Variants in OIT3 observed in about 807,000 individuals in gnomAD.
OIT3 encodes oncoprotein-induced transcript 3 protein.
A neutral mutation model predicts 52.2 loss-of-function variants in OIT3; 41 were observed. That is an observed-to-expected ratio of 0.79 (90% CI 0.61 to 1.02). The LOEUF is 1.02. OIT3 is among the 50% of genes least tolerant of loss of function. OIT3 has a pLI of 0.00. For synonymous variants in OIT3, 244 were observed against 276.9 expected, an observed-to-expected ratio of 0.88 and a Z score of 1.18; for missense variants, 634 against 715.5, an observed-to-expected ratio of 0.89 and a Z score of 1.30.
rs148675349 is a variant in OIT3, at chr10:72,907,523, A to G, written c.667+805A>G. Among the ~76,000 whole-genome samples, 71 of 152,248 alleles carry G rather than the reference A, an allele frequency of 4.7e-4. 1 individual carries two copies. In the East Asian group the frequency reaches 0.013, roughly 28 times the overall value. On this transcript the variant is annotated intron_variant, in intron 4 of 8. Transcript: ENST00000334011. ...TTTCCCAAACTTCCCTGCTGCTGAGAAGCACCTGGGGCTTTTACGCTTAGC... is the reference window on the plus strand; with the variant it reads ...TTTCCCAAACTTCCCTGCTGCTGAGGAGCACCTGGGGCTTTTACGCTTAGC...
At chr10:72,909,117 CTTTT>C (rs35778299) in intron 4 of OIT3, among the ~76,000 whole-genome samples, 2 of 111,754 alleles carry the variant, frequency 1.8e-5, no homozygotes, top group Non-Finnish European at 1.9e-5. Flanking sequence ...TTCCCAGTGT[CTTTT>C]TTTTTTTTTT....
chr10:72,921,576 T>G (rs966479107), intron 6 of OIT3, among the ~76,000 whole-genome samples: 2 of 152,218 alleles, frequency 1.3e-5, no homozygotes, highest in Non-Finnish European at 2.9e-5. Context: ...TCCTCAGCAT[T>G]TGCTTGTCTG....
At chr10:72,924,162 A>AG in intron 6 of OIT3, 67 bp from the exon 7 acceptor site, 1 of 1,334,114 alleles carries the variant, frequency 7.5e-7, no homozygotes, top group South Asian at 1.4e-5. Flanking sequence ...AGGTGAGAGG[A>AG]GGGGGAAAAA....
chr10:72,901,660 C>T (rs776641194), intron 3 of OIT3, among the ~76,000 whole-genome samples: 7 of 152,062 alleles, frequency 4.6e-5, no homozygotes, highest in Non-Finnish European at 8.8e-5. Context: ...GTCGCCCAGG[C>T]TGGAGTGCAG....
intron 7 of OIT3, among the ~76,000 whole-genome samples, chr10:72,925,374 C>T (rs1336063060): frequency 6.6e-6 from 1 of 152,140 alleles, no homozygotes; most frequent in Non-Finnish European, 1.5e-5. Context: ...AACTGAAGGA[C>T]AGGGAATCAC....
At chr10:72,914,786 G>T (rs771937737) in intron 6 of OIT3, among the ~76,000 whole-genome samples, 3 of 152,138 alleles carry the variant, frequency 2.0e-5, no homozygotes, top group East Asian at 1.9e-4. Context: ...CTTTGAATTC[G>T]CTGATTCTGC....
chr10:72,895,626 G>C (rs1364626527), intron 1 of OIT3, among the ~76,000 whole-genome samples: 1 of 152,232 alleles, frequency 6.6e-6, no homozygotes, highest in Non-Finnish European at 1.5e-5. Context: ...GGGTCGAAAA[G>C]GGGCTGTGAT....
At chr10:72,895,602 C>A (rs1329752239) in intron 1 of OIT3, among the ~76,000 whole-genome samples, 1 of 152,114 alleles carries the variant, frequency 6.6e-6, no homozygotes, top group Non-Finnish European at 1.5e-5. Context: ...ACTTCCCGAC[C>A]AAGCTCAGGC....
rs922128400 is a variant in OIT3 at position 72,918,151 on chromosome 10, C to G, written c.951+4683C>G. 4.5e-6 allele frequency: 6 copies of G among 1,323,472 alleles called. No homozygotes were observed. The African/African-American group carries it at 8.6e-5, about 19-fold the overall frequency. The allele number at this position is 1,323,472 out of a possible 1,614,324, so 82.0% of individuals were successfully genotyped here. A position where few individuals can be genotyped will look rare whatever the true frequency, so the allele number is the denominator to read the frequency against. ...CTTAAGAGTTTCACATCCTCCTCCT[C>G]TTCACCTTCTGACTCTGCATCTTCC... On this transcript the variant is annotated intron_variant, in intron 6 of 8. Coordinates refer to ENST00000334011, the MANE Select transcript of OIT3 (RefSeq NM_152635.3).
intron 6 of OIT3, among the ~76,000 whole-genome samples, chr10:72,917,279 T>C (rs975163677): frequency 2.6e-5 from 4 of 152,100 alleles, no homozygotes; most frequent in African/African-American, 9.7e-5. Flanking sequence ...TCTTCCAGGA[T>C]TTTTATAGTT....
chr10:72,926,061 G>T (rs1334296445), intron 7 of OIT3, among the ~76,000 whole-genome samples: 2 of 152,210 alleles, frequency 1.3e-5, no homozygotes, highest in Non-Finnish European at 2.9e-5. Context: ...CAAATTCATA[G>T]CAGTATCTCA....
chr10:72,906,753 C>G (rs780486123), intron 4 of OIT3, 35 bp downstream of exon 4: 21 of 1,520,094 alleles, frequency 1.4e-5, no homozygotes, highest in Non-Finnish European at 1.8e-5. Context: ...AAATCAAGAG[C>G]CCAGAGGAAG....
chr10:72,931,460 A>G (rs1846215584), intron 8 of OIT3, among the ~76,000 whole-genome samples: 1 of 152,174 alleles, frequency 6.6e-6, no homozygotes, highest in African/African-American at 2.4e-5. Context: ...GCACTCCAGC[A>G]TGGGTGAGAG....
At chr10:72,895,090 T>C (rs1479154002) in intron 1 of OIT3, among the ~76,000 whole-genome samples, 1 of 152,158 alleles carries the variant, frequency 6.6e-6, no homozygotes, top group Non-Finnish European at 1.5e-5. Flanking sequence ...GGTAAATGTA[T>C]GGCTAAAGGT....
intron 6 of OIT3, among the ~76,000 whole-genome samples, chr10:72,922,786 T>C (rs924265341): frequency 1.7e-4 from 26 of 152,188 alleles, no homozygotes; most frequent in African/African-American, 6.3e-4. Context: ...GTTCTCTGTG[T>C]TCTTGCACTG....
chr10:72,910,358 T>A (rs1846019003), intron 4 of OIT3, among the ~76,000 whole-genome samples: 1 of 152,128 alleles, frequency 6.6e-6, no homozygotes, highest in Non-Finnish European at 1.5e-5. Flanking sequence ...CCTTTAAAAA[T>A]ACACAGATGT....
At chr10:72,916,663 G>C (rs1463660489) in intron 6 of OIT3, among the ~76,000 whole-genome samples, 2 of 152,128 alleles carry the variant, frequency 1.3e-5, no homozygotes, top group African/African-American at 2.4e-5. Context: ...CTTTATAATA[G>C]GATGATTTAT....
Position 72,913,483 on chromosome 10 carries a change from G to A in OIT3, c.951+15G>A, listed in dbSNP as rs925923046. On this transcript the variant is annotated intron_variant, in intron 6 of 8. Transcript: ENST00000334011. ...CAGTGGTCGATGTAGGTTCCTCCTG[G>A]AGGGCACTTGGGGAATGACCAAAAG... 1.3e-6 allele frequency: 2 copies of A among 1,594,610 alleles called. No homozygotes were observed. Among genetic ancestry groups the A allele is most frequent in the East Asian group, 4.5e-5 (2 of 44,412 alleles).
chr10:72,903,836 C>T (rs535856382), intron 3 of OIT3, among the ~76,000 whole-genome samples: 1 of 152,056 alleles, frequency 6.6e-6, no homozygotes, highest in East Asian at 1.9e-4. Flanking sequence ...CAATAAACCC[C>T]AAATAATGAT....
Sources: allele counts gnomAD v4.1 joint callset (sites outside exome capture counted in the v4.1 genomes callset), GRCh38; gene constraint gnomAD v4.1.1; transcripts MANE v1.5; gene names NCBI Gene and HGNC (gene_info 2026-07-23, HGNC 2026-07-21).